The following DUSP5 variants were observed in gnomAD, a reference collection of about 807,000 sequenced individuals.
DUSP5 encodes dual specificity phosphatase 5, also known as dual specificity protein phosphatase 5.
DUSP5 carries 22 observed loss-of-function variants against 33.6 expected under a neutral mutation model. That is an observed-to-expected ratio of 0.66 (90% CI 0.47 to 0.94). The LOEUF is 0.94. Ranked by LOEUF, DUSP5 falls within the 40% of genes least tolerant of loss-of-function variation. The pLI is 0.00. For synonymous variants in DUSP5, 270 were observed against 231.1 expected (o/e 1.17, Z -1.53); for missense variants, 551 against 522.1 (o/e 1.06, Z -0.54).
intron 1 of DUSP5, among the ~76,000 whole-genome samples, chr10:110,499,785 T>G (rs1010315149): frequency 3.9e-5 from 6 of 152,194 alleles, no homozygotes; most frequent in Admixed American, 3.9e-4. Context: ...TGCCTCCTGA[T>G]TTCTTTCTCT....
chr10:110,498,372 CGGCCG>C lies in DUSP5; in HGVS notation c.252_256del (p.Ala85GlyfsTer44), dbSNP rs1859989348. ...CTGCAGGAGGGCGGCGGCGGCGTCG[CGGCCG>C]TGGTGGTGCTGGACCAGGGCAGCCG... is the stretch of plus-strand genomic sequence containing the variant. On this transcript the variant is annotated frameshift_variant, in exon 1 of 4. Coordinates refer to ENST00000369583, the MANE Select transcript of DUSP5 (RefSeq NM_004419.4). LOFTEE classifies it high-confidence loss of function. 1 of 1,420,546 alleles carries C rather than the reference CGGCCG, an allele frequency of 7.0e-7. No individual in the cohort carries two copies. The highest frequency in any genetic ancestry group is 1.5e-5 in the African/African-American group (1 of 67,900). The allele number at this position is 1,420,546 out of a possible 1,614,324, so 88.0% of individuals were successfully genotyped here.
chr10:110,499,745 T>G (rs1315193921), intron 1 of DUSP5, among the ~76,000 whole-genome samples: 1 of 152,232 alleles, frequency 6.6e-6, no homozygotes, highest in African/African-American at 2.4e-5. Context: ...GATAGAGGGT[T>G]GGCCCTCTGG....
Position 110,510,714 on chromosome 10 carries a change from G to A in DUSP5, c.*288G>A, listed in dbSNP as rs546379805. The stretch of plus-strand genomic sequence containing the variant: ...GCCCAGTCCTTGCACCTCAGAGTTC[G>A]CCTTTTCATTTCAAGCATAAGGCAA... On this transcript the variant is annotated 3_prime_UTR_variant, in exon 4 of 4. Transcript: ENST00000369583. 2.5e-4 allele frequency: 85 copies of A among 339,142 alleles called. No homozygotes were observed. In the Middle Eastern group the frequency reaches 3.1e-3, roughly 12 times the overall value. The allele number at this position is 339,142 out of a possible 1,614,324, so 21.0% of individuals were successfully genotyped here.
Position 110,510,207 on chromosome 10 carries a change from G to A in DUSP5, c.936G>A (p.Gln312=). The change falls in exon 4 of 4, where the codon CAG becomes CAA. Residue 312 remains glutamine, a synonymous_variant. Transcript: ENST00000369583. ...PNFGFMGQLL[Q]YESEILPSTP... is the part of the protein sequence containing the mutation. ...TTGGCTTCATGGGCCAGCTCCTGCAGTACGAATCTGAGATCCTGCCCTCCA... is the reference window on the plus strand; with the variant it reads ...TTGGCTTCATGGGCCAGCTCCTGCAATACGAATCTGAGATCCTGCCCTCCA... 1 of 1,614,238 alleles carries A rather than the reference G, an allele frequency of 6.2e-7. No individual in the cohort carries two copies. Among genetic ancestry groups the A allele is most frequent in the Non-Finnish European group, 8.5e-7 (1 of 1,180,030 alleles).
At chr10:110,507,469 G>A (rs2134663338) in intron 3 of DUSP5, among the ~76,000 whole-genome samples, 1 of 152,310 alleles carries the variant, frequency 6.6e-6, no homozygotes. Context: ...TCCACACAAG[G>A]AAAGCAGGGG....
intron 3 of DUSP5, among the ~76,000 whole-genome samples, chr10:110,507,890 G>T (rs1860137605): frequency 6.6e-6 from 1 of 152,102 alleles, no homozygotes; most frequent in East Asian, 1.9e-4. Flanking sequence ...CATCTTCCTA[G>T]GAGGCTGGCC....
intron 1 of DUSP5, among the ~76,000 whole-genome samples, chr10:110,498,819 A>G (rs909050858): frequency 6.6e-5 from 10 of 151,718 alleles, no homozygotes; most frequent in African/African-American, 1.9e-4. Context: ...CCCCCTTTCC[A>G]GACGCGAGCT....
At position 110,507,028 on chromosome 10, in the gene DUSP5, CT is replaced by C; in HGVS notation, c.623del (p.Leu208ArgfsTer2). On this transcript the variant is annotated frameshift_variant, in exon 3 of 4. Coordinates refer to ENST00000369583, the MANE Select transcript of DUSP5 (RefSeq NM_004419.4). LOFTEE classifies it high-confidence loss of function. ...CCTCGCCAACCTGCACATCACAGCC[CT>C]GCTGAATGTCTCCCGACGGACCTCC... ...EFLANLHITA[L>X]LNVSRRTSEA... 1 of 1,614,276 alleles carries C rather than the reference CT, an allele frequency of 6.2e-7. No individual in the cohort carries two copies. The highest frequency in any genetic ancestry group is 2.2e-5 in the East Asian group (1 of 44,890).
intron 3 of DUSP5, among the ~76,000 whole-genome samples, chr10:110,509,738 G>A (rs986194923): frequency 1.3e-5 from 2 of 152,238 alleles, no homozygotes; most frequent in South Asian, 4.1e-4. Flanking sequence ...GAATCTGCAA[G>A]TATCTTGGGA....
rs563761523 is a variant in DUSP5, at chr10:110,501,274, A to G, written c.380-1447A>G. ...GGGAAGCTAAGCTGCCTATAGCACC[A>G]TCTTGCACCTCTGCCGTGGCCTCCC... On this transcript the variant is annotated intron_variant, in intron 1 of 3. Transcript: ENST00000369583. Among the ~76,000 whole-genome samples the G allele has an allele frequency of 3.3e-5, 5 of 152,316 alleles. No individual in the cohort carries two copies. In the South Asian group the frequency reaches 8.3e-4, roughly 25 times the overall value.
chr10:110,509,395 CTATT>C (rs1860158664), intron 3 of DUSP5, among the ~76,000 whole-genome samples: 1 of 152,176 alleles, frequency 6.6e-6, no homozygotes, highest in African/African-American at 2.4e-5. Context: ...TGGCCATGCG[CTATT>C]TATTGTGTGT....
chr10:110,503,122 C>A (rs951897772), intron 2 of DUSP5, among the ~76,000 whole-genome samples: 6 of 152,208 alleles, frequency 3.9e-5, no homozygotes, highest in African/African-American at 1.4e-4. Flanking sequence ...GGATGCTTGG[C>A]AGCTTCTGGG....
chr10:110,511,084 A>T lies in DUSP5; in HGVS notation c.*658A>T, dbSNP rs1166750025. The T allele has an allele frequency of 6.6e-6, 1 of 152,586 alleles. No individual in the cohort carries two copies. Among genetic ancestry groups the T allele is most frequent in the East Asian group, 1.9e-4 (1 of 5,178 alleles). 9.5% of individuals were successfully genotyped at this position (152,586 alleles called of 1,614,324 possible). ...TTCACTGACCTTGGACTTTGGCATG[A>T]TTCTTAGTCATACTTGAACTTGTCT... On this transcript the variant is annotated 3_prime_UTR_variant, in exon 4 of 4. Transcript: ENST00000369583.
At position 110,502,847 on chromosome 10, in the gene DUSP5, G is replaced by C. The variant is rs1860072014; in HGVS notation, c.506G>C (p.Ser169Thr). 6.2e-7 allele frequency: 1 copy of C among 1,614,072 alleles called. No homozygotes were observed. Among genetic ancestry groups the C allele is most frequent in the Non-Finnish European group, 8.5e-7 (1 of 1,180,034 alleles). The change falls in exon 2 of 4, where the codon AGC becomes ACC. Residue 169 changes from serine to threonine, a missense_variant. Ser to Thr is a moderately conservative substitution (Grantham distance 58). Around this residue, in one of 3 missense-constraint regions of DUSP5, gnomAD observed 381 missense variants for 310.4 expected, o/e 1.23. Transcript: ENST00000369583. The stretch of plus-strand genomic sequence containing the variant: ...TGTGGAAAACCAGTGGTAAATGTCA[G>C]CTACAGGCCAGCTTATGACCAGGTA... Reference protein sequence around the residue: ...SQCGKPVVNVSYRPAYDQGGP... With the variant: ...SQCGKPVVNVTYRPAYDQGGP...
chr10:110,501,593 G>A (rs1356091031), intron 1 of DUSP5, among the ~76,000 whole-genome samples: 1 of 152,166 alleles, frequency 6.6e-6, no homozygotes, highest in Non-Finnish European at 1.5e-5. Context: ...GGGGTTCTTT[G>A]GAAAATTCAT....
chr10:110,510,149 T>G lies in DUSP5; in HGVS notation c.878T>G (p.Ile293Ser). Residue 293 changes from isoleucine to serine, a missense_variant, in exon 4 of 4, where the codon ATC becomes AGC. Coordinates refer to ENST00000369583, the MANE Select transcript of DUSP5 (RefSeq NM_004419.4). ...CGCCTGAAGGAGGCCTTCGATTACATCAAGCAGAGGAGGAGCATGGTCTCG... is the reference window on the plus strand; with the variant it reads ...CGCCTGAAGGAGGCCTTCGATTACAGCAAGCAGAGGAGGAGCATGGTCTCG... ...QFRLKEAFDY[I>S]KQRRSMVSPN... is the part of the protein sequence containing the mutation. 1 of 1,614,194 alleles carries G rather than the reference T, an allele frequency of 6.2e-7. No individual in the cohort carries two copies. The highest frequency in any genetic ancestry group is 8.5e-7 in the Non-Finnish European group (1 of 1,180,032).
chr10:110,503,199 C>T (rs752978898), intron 2 of DUSP5, among the ~76,000 whole-genome samples: 9 of 152,220 alleles, frequency 5.9e-5, no homozygotes, highest in Non-Finnish European at 1.2e-4. Flanking sequence ...CTTTGAAATA[C>T]TGGTCTAGGT....
At position 110,498,119 on chromosome 10, in the gene DUSP5, G is replaced by T; in HGVS notation, c.-3G>T. The T allele has an allele frequency of 7.4e-7, 1 of 1,354,750 alleles. No individual in the cohort carries two copies. Among genetic ancestry groups the T allele is most frequent in the Non-Finnish European group, 9.5e-7 (1 of 1,051,336 alleles). 83.9% of individuals were successfully genotyped at this position (1,354,750 alleles called of 1,614,324 possible). On this transcript the variant is annotated 5_prime_UTR_variant, in exon 1 of 4. Coordinates refer to ENST00000369583, the MANE Select transcript of DUSP5 (RefSeq NM_004419.4). ...GGGGCCGCTGGCCGGCGGCGGCGGC[G>T]GCATGAAGGTCACGTCGCTCGACGG...
intron 1 of DUSP5, among the ~76,000 whole-genome samples, chr10:110,499,330 C>G (rs1207240454): frequency 1.3e-5 from 2 of 152,212 alleles, no homozygotes; most frequent in Non-Finnish European, 2.9e-5. Flanking sequence ...GATTGACTCT[C>G]AAAATCCAAA....
Sources: gnomAD v4.1 joint callset for allele counts (sites outside exome capture counted in the v4.1 genomes callset) on GRCh38, gnomAD v4.1.1 for gene constraint, gnomAD v4.1.1 regional missense constraint, MANE v1.5 for transcripts, NCBI Gene and HGNC (gene_info 2026-07-23, HGNC 2026-07-21) for gene names.